Variants in RASGRP1 observed in about 807,000 individuals in gnomAD.
RASGRP1 encodes RAS guanyl releasing protein 1.
RASGRP1 carries 37 observed loss-of-function variants against 95.1 expected under a neutral mutation model. The observed-to-expected ratio is 0.39, with a 90% CI of 0.30 to 0.51. RASGRP1 has a LOEUF of 0.51. RASGRP1 is among the 20% of genes least tolerant of loss of function. RASGRP1 has a pLI of 0.80. For missense variants in RASGRP1, 711 were observed against 965.4 expected (o/e 0.74, Z 3.49); for synonymous variants, 325 against 353.4 (o/e 0.92, Z 0.90).
intron 16 of RASGRP1, 97 bp from the exon 17 acceptor site, chr15:38,490,785 ACTGTGG>A: frequency 7.8e-7 from 1 of 1,279,732 alleles, no homozygotes; most frequent in Non-Finnish European, 1.1e-6. Flanking sequence ...TTTCCTATTC[ACTGTGG>A]CTGAGAATTA....
intron 2 of RASGRP1, among the ~76,000 whole-genome samples, chr15:38,550,561 T>C (rs868259224): frequency 1.3e-5 from 2 of 152,186 alleles, no homozygotes; most frequent in African/African-American, 4.8e-5. Context: ...TTATGTCCTA[T>C]ATTTGAAGGG....
In RASGRP1 at chr15:38,490,607, G is replaced by T; in HGVS notation, c.2341C>A (p.Leu781Ile). Residue 781 changes from leucine (L) to isoleucine (I), a missense_variant, in exon 17 of 17, where the codon CTT (leucine) becomes ATT (isoleucine). By Grantham distance (5) the Leu-to-Ile change is conservative. Transcript: ENST00000310803. Reference sequence around the variant, plus strand: ...GCTAAGACATGATTGCTTTTTTCAAGCTGGAGGGATTCTATTTTCTTCTGT... The same window carrying T: ...GCTAAGACATGATTGCTTTTTTCAATCTGGAGGGATTCTATTTTCTTCTGT... ...YAQKKIESLQ[L>I]EKSNHVLAQM... 1 of 1,613,324 alleles carries T rather than the reference G, an allele frequency of 6.2e-7. No individual in the cohort carries two copies. Among genetic ancestry groups the T allele is most frequent in the Non-Finnish European group, 8.5e-7 (1 of 1,179,484 alleles).
At chr15:38,561,342 A>T (rs1443895044) in intron 1 of RASGRP1, among the ~76,000 whole-genome samples, 1 of 152,242 alleles carries the variant, frequency 6.6e-6, no homozygotes, top group Admixed American at 6.5e-5. Context: ...TTAATACAAA[A>T]ATATAGCTGA....
chr15:38,498,730 C>T (rs761253970), intron 15 of RASGRP1, 64 bp downstream of exon 15: 201 of 1,559,788 alleles, frequency 1.3e-4, no homozygotes, highest in Non-Finnish European at 1.6e-4. Flanking sequence ...GTAATCTTTC[C>T]GTCTCTAAAA....
At chr15:38,500,694 A>T (rs746895276) in intron 13 of RASGRP1, among the ~76,000 whole-genome samples, 4 of 152,142 alleles carry the variant, frequency 2.6e-5, no homozygotes, top group Non-Finnish European at 5.9e-5. Flanking sequence ...TGGATGAATC[A>T]TCGGGCAAAC....
At chr15:38,560,069 G>C (rs1566940727) in intron 1 of RASGRP1, 64 bp from the exon 2 acceptor site, 2 of 1,383,804 alleles carry the variant, frequency 1.4e-6, no homozygotes, top group Non-Finnish European at 1.0e-6. Context: ...AGGCAGATTG[G>C]AGAGGAAGGG....
intron 2 of RASGRP1, among the ~76,000 whole-genome samples, chr15:38,538,259 G>A (rs1892738277): frequency 6.6e-6 from 1 of 152,106 alleles, no homozygotes; most frequent in Non-Finnish European, 1.5e-5. Context: ...GCAAGACTCT[G>A]TCTCCATAAA....
chr15:38,518,202 C>T, intron 5 of RASGRP1, 90 bp downstream of exon 5: 2 of 1,291,312 alleles, frequency 1.5e-6, no homozygotes, highest in Non-Finnish European at 2.2e-6. Flanking sequence ...GCAGCAGTCA[C>T]CGCTGGGGGT....
intron 2 of RASGRP1, among the ~76,000 whole-genome samples, chr15:38,540,720 C>A (rs1199445388): frequency 6.6e-6 from 1 of 152,032 alleles, no homozygotes; most frequent in African/African-American, 2.4e-5. Context: ...GTCTGAGATG[C>A]CCAGATATCT....
chr15:38,516,424 C>G (rs1595848481), intron 5 of RASGRP1, 74 bp from the exon 6 acceptor site: 2 of 1,499,044 alleles, frequency 1.3e-6, no homozygotes, highest in East Asian at 4.5e-5. Flanking sequence ...AATCCATTAA[C>G]ATTTCTCACA....
At chr15:38,506,171 T>C (rs1031272738) in intron 9 of RASGRP1, among the ~76,000 whole-genome samples, 2 of 152,198 alleles carry the variant, frequency 1.3e-5, no homozygotes, top group African/African-American at 4.8e-5. Context: ...TAAGCCTCTA[T>C]ATAGAGCTTA....
intron 9 of RASGRP1, 125 bp downstream of exon 9, chr15:38,507,601 G>A (rs1891313327): frequency 4.6e-6 from 5 of 1,094,346 alleles, no homozygotes; most frequent in Non-Finnish European, 5.1e-6. Context: ...ATATGTTGGA[G>A]ATAGTAATAG....
chr15:38,548,954 A>G (rs547038130), intron 2 of RASGRP1, among the ~76,000 whole-genome samples: 1 of 152,280 alleles, frequency 6.6e-6, no homozygotes, highest in East Asian at 1.9e-4. Context: ...GACACAATAA[A>G]TGTAGGGAGC....
chr15:38,539,724 C>T (rs1024580976), intron 2 of RASGRP1, among the ~76,000 whole-genome samples: 1 of 152,084 alleles, frequency 6.6e-6, no homozygotes, highest in Non-Finnish European at 1.5e-5. Flanking sequence ...CTCCCCGCTC[C>T]TCCCACCCCA....
At chr15:38,500,879 A>G (rs992858759) in intron 13 of RASGRP1, among the ~76,000 whole-genome samples, 1 of 152,188 alleles carries the variant, frequency 6.6e-6, no homozygotes, top group East Asian at 1.9e-4. Flanking sequence ...GCACATGAAT[A>G]TTATACTTTA....
chr15:38,500,197 C>T (rs1433898951), intron 13 of RASGRP1, 58 bp from the exon 14 acceptor site: 3 of 1,563,256 alleles, frequency 1.9e-6, no homozygotes, highest in African/African-American at 1.4e-5. Context: ...TGTGAGGCTA[C>T]AAGGTGACAT....
intron 8 of RASGRP1, among the ~76,000 whole-genome samples, chr15:38,509,606 G>A (rs1891416032): frequency 6.6e-6 from 1 of 152,118 alleles, no homozygotes; most frequent in African/African-American, 2.4e-5. Flanking sequence ...CACGCCTGTA[G>A]TCCCAGCTAC....
At chr15:38,509,000 T>C (rs1046453884) in intron 8 of RASGRP1, among the ~76,000 whole-genome samples, 1 of 152,228 alleles carries the variant, frequency 6.6e-6, no homozygotes. Flanking sequence ...TTTCTGTTCA[T>C]GTTTCCCACC....
intron 2 of RASGRP1, among the ~76,000 whole-genome samples, chr15:38,540,557 A>G (rs937304442): frequency 6.6e-6 from 1 of 152,224 alleles, no homozygotes. Flanking sequence ...TTAAGGAAGT[A>G]AAAGGGTAAA....
Sources: gnomAD v4.1 joint callset for allele counts (sites outside exome capture counted in the v4.1 genomes callset) on GRCh38, gnomAD v4.1.1 for gene constraint, MANE v1.5 for transcripts, NCBI Gene and HGNC (gene_info 2026-07-23, HGNC 2026-07-21) for gene names.